Variants in RBFOX1 observed in about 807,000 individuals in gnomAD.
RBFOX1 encodes RNA binding fox-1 homolog 1.
Under a neutral mutation model 57.7 loss-of-function variants are expected in RBFOX1, and 8 were observed. The observed-to-expected ratio is 0.14, with a 90% CI of 0.08 to 0.25. The LOEUF (loss-of-function observed/expected upper bound fraction) is 0.25, where lower values mean the gene tolerates loss of function less well. Ranked by LOEUF, RBFOX1 falls within the 10% of genes least tolerant of loss-of-function variation. The pLI, the probability that RBFOX1 is intolerant of heterozygous loss-of-function variation, is 1.00. For synonymous variants in RBFOX1, 326 were observed against 222.4 expected, an observed-to-expected ratio of 1.47 and a Z score of -4.15; for missense variants, 611 against 548.5, an observed-to-expected ratio of 1.11 and a Z score of -1.14.
chr16:6,666,462 C>A (rs1005681877), intron 3 of RBFOX1, among the ~76,000 whole-genome samples: 1 of 151,002 alleles, frequency 6.6e-6, no homozygotes, highest in African/African-American at 2.4e-5. Flanking sequence ...ATCACTTGAA[C>A]CTGGAAGGCA....
At chr16:6,753,759 A>G (rs1243079221) in intron 3 of RBFOX1, among the ~76,000 whole-genome samples, 2 of 151,976 alleles carry the variant, frequency 1.3e-5, no homozygotes, top group South Asian at 2.1e-4. Flanking sequence ...CCTTGGATTT[A>G]TGTGATTCGT....
At chr16:7,307,083 T>C (rs1603617222) in intron 4 of RBFOX1, among the ~76,000 whole-genome samples, 1 of 152,332 alleles carries the variant, frequency 6.6e-6, no homozygotes. Flanking sequence ...GAAATAAACA[T>C]AATTCAGAAG....
Position 6,793,251 on chromosome 16 carries a change from G to A in RBFOX1, c.-16+138601G>A, listed in dbSNP as rs981846945. Among the ~76,000 whole-genome samples, 8 of 152,214 alleles carry A rather than the reference G, an allele frequency of 5.3e-5. 1 individual carries two copies. The highest frequency in any genetic ancestry group is 4.2e-4 in the South Asian group (2 of 4,808). On this transcript the variant is annotated intron_variant, in intron 3 of 15. Coordinates refer to ENST00000550418, the MANE Select transcript of RBFOX1 (RefSeq NM_018723.4). ...AATTTTAAGAACATTCCAGTAGACCGATTGGAGGAGAAATGTGGTCCCCCT... is the reference window on the plus strand; with the variant it reads ...AATTTTAAGAACATTCCAGTAGACCAATTGGAGGAGAAATGTGGTCCCCCT...
intron 4 of RBFOX1, among the ~76,000 whole-genome samples, chr16:7,299,261 G>A (rs1459341804): frequency 6.6e-6 from 1 of 152,186 alleles, no homozygotes; most frequent in Non-Finnish European, 1.5e-5. Context: ...ACTGATGTCA[G>A]TCTTTTAGGC....
intron 4 of RBFOX1, among the ~76,000 whole-genome samples, chr16:7,196,556 A>C (rs560898043): frequency 6.6e-5 from 10 of 152,274 alleles, no homozygotes; most frequent in African/African-American, 1.9e-4. Context: ...AACCCACTTC[A>C]CCCTGACAAC....
intron 2 of RBFOX1, among the ~76,000 whole-genome samples, chr16:6,458,149 T>G (rs571894520): frequency 2.0e-5 from 3 of 152,326 alleles, no homozygotes; most frequent in Admixed American, 6.5e-5. Context: ...CAGCAGTAAC[T>G]GTGTGCAAAC....
At chr16:7,127,893 G>T (rs62017060) in intron 4 of RBFOX1, among the ~76,000 whole-genome samples, 37,992 of 152,148 alleles carry the variant, frequency 0.25, 5,103 homozygotes, top group African/African-American at 0.34. Context: ...GCAAGCAACA[G>T]AGTCACAATG....
At chr16:6,417,353 A>G (rs1198862976) in intron 2 of RBFOX1, among the ~76,000 whole-genome samples, 1 of 148,190 alleles carries the variant, frequency 6.7e-6, no homozygotes, top group Non-Finnish European at 1.5e-5. Context: ...CTCTCTACTG[A>G]TTCTATGTTT....
At chr16:7,571,080 G>T (rs1026856117) in intron 5 of RBFOX1, among the ~76,000 whole-genome samples, 1 of 152,136 alleles carries the variant, frequency 6.6e-6, no homozygotes. Flanking sequence ...TGGGGGAAGG[G>T]GCGAAGGGAG....
intron 2 of RBFOX1, among the ~76,000 whole-genome samples, chr16:6,384,073 T>C (rs2092060888): frequency 6.6e-6 from 1 of 151,762 alleles, no homozygotes; most frequent in Admixed American, 6.6e-5. Flanking sequence ...TTTTTTTTTT[T>C]TTTTTCTTCT....
Position 7,710,824 on chromosome 16 carries a change from G to T in RBFOX1, c.*79G>T. ...CCTGAGTATTGCAATACATGCAGTA[G>T]TACATCATTTTAGCAACTCTAAAAA... On this transcript the variant is annotated 3_prime_UTR_variant, in exon 16 of 16. Coordinates refer to ENST00000550418, the MANE Select transcript of RBFOX1 (RefSeq NM_018723.4). 9 of 1,126,208 alleles carry T rather than the reference G, an allele frequency of 8.0e-6. No homozygotes were observed. Among genetic ancestry groups the T allele is most frequent in the South Asian group, 2.9e-5 (1 of 34,312 alleles). The allele number at this position is 1,126,208 out of a possible 1,614,324, so 69.8% of individuals were successfully genotyped here. A position where few individuals can be genotyped will look rare whatever the true frequency, so the allele number is the denominator to read the frequency against.
intron 14 of RBFOX1, among the ~76,000 whole-genome samples, chr16:7,688,405 A>G (rs1477380212): frequency 6.6e-6 from 1 of 152,020 alleles, no homozygotes; most frequent in Non-Finnish European, 1.5e-5. Context: ...AGTGAGCAGA[A>G]TCTTTGCCCA....
intron 4 of RBFOX1, among the ~76,000 whole-genome samples, chr16:5,904,909 G>A (rs1391921778): frequency 1.8e-4 from 27 of 148,970 alleles, no homozygotes; most frequent in African/African-American, 4.4e-4. Context: ...CCCGGGAGGC[G>A]GAGCTTGCAG....
chr16:6,670,851 T>G (rs7188369), intron 3 of RBFOX1, among the ~76,000 whole-genome samples: 90,364 of 144,444 alleles, frequency 0.63, 27,684 homozygotes, highest in African/African-American at 0.77. Context: ...CAAAAAAAAA[T>G]TAGCCGGGCA....
intron 3 of RBFOX1, among the ~76,000 whole-genome samples, chr16:6,876,492 C>G (rs1006709831): frequency 1.3e-5 from 2 of 152,202 alleles, no homozygotes; most frequent in Non-Finnish European, 2.9e-5. Flanking sequence ...TTATCTTCAT[C>G]ACATAGCGCT....
intron 5 of RBFOX1, among the ~76,000 whole-genome samples, chr16:7,573,074 G>C (rs536838465): frequency 1.3e-5 from 2 of 152,240 alleles, no homozygotes; most frequent in African/African-American, 4.8e-5. Context: ...CAAGGGGAGA[G>C]AGAGTGCTGG....
chr16:6,256,726 C>T (rs969913498), intron 1 of RBFOX1, among the ~76,000 whole-genome samples: 1 of 152,100 alleles, frequency 6.6e-6, no homozygotes, highest in African/African-American at 2.4e-5. Context: ...TCATGACATG[C>T]CAGCAGTGTC....
At chr16:5,499,914 G>A (rs1435348448) in intron 2 of RBFOX1, among the ~76,000 whole-genome samples, 5 of 152,108 alleles carry the variant, frequency 3.3e-5, no homozygotes, top group Admixed American at 2.6e-4. Flanking sequence ...ACTCCTGATG[G>A]CCACTCAACA....
intron 4 of RBFOX1, among the ~76,000 whole-genome samples, chr16:7,454,674 G>C (rs2058118169): frequency 6.6e-6 from 1 of 152,172 alleles, no homozygotes; most frequent in South Asian, 2.1e-4. Flanking sequence ...GATAGAACTT[G>C]AGAAGGAATA....
Sources: gnomAD v4.1 joint callset for allele counts (sites outside exome capture counted in the v4.1 genomes callset) on GRCh38, gnomAD v4.1.1 for gene constraint, MANE v1.5 for transcripts, NCBI Gene and HGNC (gene_info 2026-07-23, HGNC 2026-07-21) for gene names.